SYNPR: variants seen among roughly 807,000 people sequenced by gnomAD.
The protein encoded by SYNPR is synaptoporin.
Under a neutral mutation model 32.9 loss-of-function variants are expected in SYNPR, and 23 were observed. The ratio of observed to expected loss-of-function variants is 0.70; its 90% confidence interval spans 0.50 to 0.99. The LOEUF (loss-of-function observed/expected upper bound fraction) is 0.99, where lower values mean the gene tolerates loss of function less well. Among genes scored for constraint, SYNPR ranks in the 50% least tolerant of loss-of-function variants. The pLI, the probability that SYNPR is intolerant of heterozygous loss-of-function variation, is 0.00. For synonymous variants in SYNPR, 146 were observed against 135.9 expected, an observed-to-expected ratio of 1.07 and a Z score of -0.52; for missense variants, 318 against 349.3, an observed-to-expected ratio of 0.91 and a Z score of 0.71.
chr3:63,384,880 G>C (rs1280755777), intron 2 of SYNPR, among the ~76,000 whole-genome samples: 1 of 152,116 alleles, frequency 6.6e-6, no homozygotes, highest in African/African-American at 2.4e-5. Context: ...GTTGAGGCTG[G>C]ATTCAATTTT....
chr3:63,385,594 A>C (rs568811666), intron 2 of SYNPR, among the ~76,000 whole-genome samples: 1 of 152,310 alleles, frequency 6.6e-6, no homozygotes, highest in East Asian at 1.9e-4. Flanking sequence ...CCTTTGGACT[A>C]AAGAAACATC....
chr3:63,539,282 T>G (rs1197554008), intron 3 of SYNPR, among the ~76,000 whole-genome samples: 1 of 152,170 alleles, frequency 6.6e-6, no homozygotes, highest in Admixed American at 6.6e-5. Flanking sequence ...TGTGAAGTTA[T>G]TTTTATAAAT....
intron 4 of SYNPR, among the ~76,000 whole-genome samples, chr3:63,608,400 T>C (rs1700153473): frequency 6.6e-6 from 1 of 152,220 alleles, no homozygotes; most frequent in Admixed American, 6.5e-5. Context: ...AGTTTTCTCC[T>C]CTTTAAAATG....
At chr3:63,370,638 T>C (rs891318664) in intron 2 of SYNPR, among the ~76,000 whole-genome samples, 1 of 152,232 alleles carries the variant, frequency 6.6e-6, no homozygotes, top group African/African-American at 2.4e-5. Context: ...CTGGAAATTT[T>C]TAGTCTGGGG....
At chr3:63,278,903 G>C (rs1048516673) in intron 2 of SYNPR, among the ~76,000 whole-genome samples, 161 bp downstream of exon 2, 18 of 152,334 alleles carry the variant, frequency 1.2e-4, no homozygotes, top group African/African-American at 3.4e-4. Context: ...CCGTTCCAAG[G>C]TGGTGAGGAC....
chr3:63,224,673 CT>C (rs2086115660), upstream of SYNPR, among the ~76,000 whole-genome samples: 1 of 152,124 alleles, frequency 6.6e-6, no homozygotes, highest in Non-Finnish European at 1.5e-5. Flanking sequence ...TATGCGGTTC[CT>C]TGAAAATTAT....
chr3:63,271,464 A>C lies in SYNPR; in HGVS notation n.287+4015A>C, dbSNP rs115912470. On this transcript the variant is annotated intron_variant and non_coding_transcript_variant, in intron 3 of 4. Transcript: ENST00000478456. ...TTTACCTCATTCAGAGCAGATGCAA[A>C]AACTATTTTGTCATATTAAAGTGCA... Among the ~76,000 whole-genome samples the C allele has an allele frequency of 7.0e-3, 1,062 of 152,260 alleles. 18 individuals carry two copies. The highest frequency in any genetic ancestry group is 0.024 in the African/African-American group (1,012 of 41,540).
chr3:63,509,700 G>A (rs1477760067), intron 3 of SYNPR, among the ~76,000 whole-genome samples: 1 of 152,068 alleles, frequency 6.6e-6, no homozygotes, highest in Non-Finnish European at 1.5e-5. Flanking sequence ...CAACTAAATT[G>A]ATAGTCCCCA....
Position 63,361,815 on chromosome 3 carries a change from C to CATAT in SYNPR, c.84+83082_84+83085dup, listed in dbSNP as rs34995264. 1.7e-3 allele frequency among the ~76,000 whole-genome samples: 262 copies of CATAT among 151,366 alleles called. 5 individuals are homozygous for CATAT. The East Asian group carries it at 0.044, about 25-fold the overall frequency. The stretch of plus-strand genomic sequence containing the variant: ...ATATATATATACATATTTCTACACA[C>CATAT]ATATATATATATGCATGAGTATACA... On this transcript the variant is annotated intron_variant, in intron 2 of 5. Transcript: ENST00000478300.
At chr3:63,290,822 T>C (rs1000097975) in intron 2 of SYNPR, among the ~76,000 whole-genome samples, 1 of 152,186 alleles carries the variant, frequency 6.6e-6, no homozygotes, top group Non-Finnish European at 1.5e-5. Flanking sequence ...GAAGCATTTG[T>C]GTGCTTTAAC....
At chr3:63,388,380 T>TA (rs2088083269) in intron 2 of SYNPR, among the ~76,000 whole-genome samples, 1 of 29,800 alleles carries the variant, frequency 3.4e-5, no homozygotes, top group Non-Finnish European at 5.6e-5. Context: ...TTTGGAGCTC[T>TA]TTTTTTTTTT....
intron 2 of SYNPR, among the ~76,000 whole-genome samples, chr3:63,254,626 T>C (rs1315622765): frequency 1.3e-5 from 2 of 152,110 alleles, no homozygotes; most frequent in Non-Finnish European, 2.9e-5. Context: ...TAATTTTTTA[T>C]TGTGTATATG....
intron 2 of SYNPR, among the ~76,000 whole-genome samples, chr3:63,281,661 C>T (rs1371623511): frequency 6.6e-6 from 1 of 152,120 alleles, no homozygotes; most frequent in Admixed American, 6.5e-5. Flanking sequence ...CATTTATGAG[C>T]TAATCACCTC....
At chr3:63,253,005 C>T (rs2086346980) in intron 2 of SYNPR, among the ~76,000 whole-genome samples, 1 of 147,794 alleles carries the variant, frequency 6.8e-6, no homozygotes, top group African/African-American at 2.5e-5. Flanking sequence ...TGTGACTGCA[C>T]TCCAGCCTGG....
intron 2 of SYNPR, among the ~76,000 whole-genome samples, chr3:63,335,140 G>C (rs2087273121): frequency 6.6e-6 from 1 of 152,118 alleles, no homozygotes; most frequent in Non-Finnish European, 1.5e-5. Context: ...GGATCACAAG[G>C]TCGGGAGATC....
intron 2 of SYNPR, among the ~76,000 whole-genome samples, chr3:63,398,429 G>C (rs191798307): frequency 4.6e-5 from 7 of 152,158 alleles, no homozygotes; most frequent in African/African-American, 1.7e-4. Flanking sequence ...CCACTTAACA[G>C]TGTACTTTTG....
intron 2 of SYNPR, among the ~76,000 whole-genome samples, chr3:63,308,452 T>C (rs1575593253): frequency 6.6e-6 from 1 of 152,030 alleles, no homozygotes; most frequent in Non-Finnish European, 1.5e-5. Flanking sequence ...TCTGAAATAA[T>C]TTGCCTTCTG....
intron 2 of SYNPR, among the ~76,000 whole-genome samples, chr3:63,477,587 G>A (rs1043566530): frequency 2.0e-5 from 3 of 152,072 alleles, no homozygotes; most frequent in African/African-American, 4.8e-5. Flanking sequence ...CCTTTATCTC[G>A]GCTGCCTGCT....
intron 2 of SYNPR, among the ~76,000 whole-genome samples, chr3:63,449,396 G>C (rs993544077): frequency 1.3e-5 from 2 of 151,998 alleles, no homozygotes; most frequent in Non-Finnish European, 2.9e-5. Context: ...TCTCAAACTT[G>C]GTACTATTAA....
Sources: gnomAD v4.1 joint callset for allele counts (sites outside exome capture counted in the v4.1 genomes callset) on GRCh38, gnomAD v4.1.1 for gene constraint, MANE v1.5 for transcripts, NCBI Gene and HGNC (gene_info 2026-07-23, HGNC 2026-07-21) for gene names.